Variants in RBM28 observed in about 807,000 individuals in gnomAD.
RBM28 encodes the protein RNA-binding protein 28.
Under a neutral mutation model 98.3 loss-of-function variants are expected in RBM28, and 78 were observed. The ratio of observed to expected loss-of-function variants is 0.79; its 90% CI spans 0.66 to 0.96. RBM28 has a LOEUF of 0.96. Among genes scored for constraint, RBM28 ranks in the 40% least tolerant of loss-of-function variants. The pLI, the probability that RBM28 is intolerant of heterozygous loss-of-function variation, is 0.00. For missense variants in RBM28, 838 were observed against 913.0 expected, an observed-to-expected ratio of 0.92 and a Z score of 1.06; for synonymous variants, 306 against 330.9, an observed-to-expected ratio of 0.92 and a Z score of 0.82.
chr7:128,324,553 A>C lies in RBM28; in HGVS notation c.1339+6T>G. ...TTAGAAGTGTGGGTTACATCTCCCT[A>C]CTCACAGCCTTCTCGGGCCAGATAG... On this transcript the variant is annotated splice_donor_region_variant and intron_variant, in intron 12 of 18. Coordinates refer to ENST00000223073, the MANE Select transcript of RBM28 (RefSeq NM_018077.3). 1 of 1,614,104 alleles carries C rather than the reference A, an allele frequency of 6.2e-7. No individual in the cohort carries two copies. The highest frequency in any genetic ancestry group is 1.1e-5 in the South Asian group (1 of 91,078).
In RBM28 at chr7:128,337,562, C is replaced by T. The variant is rs868263481; in HGVS notation, c.542-360G>A. 1.8e-4 allele frequency among the ~76,000 whole-genome samples: 25 copies of T among 139,822 alleles called. 1 individual carries two copies. The highest frequency in any genetic ancestry group is 2.4e-4 in the Non-Finnish European group (16 of 65,632). 91.7% of individuals were successfully genotyped at this position (139,822 alleles called of 152,430 possible). A position where few individuals can be genotyped will look rare whatever the true frequency, so the allele number is the denominator to read the frequency against. ...TAGGACATCTCTACGGCAATAACTT[C>T]TTTTTTTTTTTTTTGAGACACAGTC... On this transcript the variant is annotated intron_variant, in intron 5 of 18. Transcript: ENST00000223073.
Position 128,307,331 on chromosome 7 carries a change from T to C in RBM28, c.*3466A>G, listed in dbSNP as rs1301668674. 6.6e-6 allele frequency: 1 copy of C among 152,190 alleles called. No homozygotes were observed. Among genetic ancestry groups the C allele is most frequent in the Non-Finnish European group, 1.5e-5 (1 of 68,040 alleles). The allele number at this position is 152,190 out of a possible 1,614,324, so 9.4% of individuals were successfully genotyped here. On this transcript the variant is annotated 3_prime_UTR_variant, in exon 19 of 19. Transcript: ENST00000223073. ...CAGGGGAGCTTAAGACTGCAGATTC[T>C]GGGGAATCAGCACTCACTGTGACAC...
chr7:128,337,984 T>C (rs1201491321), intron 5 of RBM28, among the ~76,000 whole-genome samples: 3 of 152,152 alleles, frequency 2.0e-5, no homozygotes, highest in African/African-American at 4.8e-5. Flanking sequence ...CCAACCTGCA[T>C]CTATCAGCAA....
chr7:128,321,513 C>T (rs1011726502), intron 13 of RBM28, 89 bp from the exon 14 acceptor site: 1 of 1,495,732 alleles, frequency 6.7e-7, no homozygotes, highest in Non-Finnish European at 9.2e-7. Context: ...TTATGATCCT[C>T]ATCCCATAAC....
chr7:128,324,590 G>T lies in RBM28; in HGVS notation c.1308C>A (p.Gly436=), dbSNP rs1014799557. Residue 436 remains glycine, a synonymous_variant, in exon 12 of 19, where the codon GGC becomes GGA. Transcript: ENST00000223073. Reference sequence around the variant, plus strand: ...CTCGGGCCAGATAGAGATTCCGGGTGCCAGTCGGCTTCTTCACCTTCGTCG... The same window carrying T: ...CTCGGGCCAGATAGAGATTCCGGGTTCCAGTCGGCTTCTTCACCTTCGTCG... The part of the protein sequence containing the change: ...LQTTKVKKPT[G]TRNLYLAREG... 1 of 1,614,220 alleles carries T rather than the reference G, an allele frequency of 6.2e-7. No homozygotes were observed. Among genetic ancestry groups the T allele is most frequent in the Admixed American group, 1.7e-5 (1 of 60,020 alleles).
chr7:128,324,662 G>C lies in RBM28; in HGVS notation c.1236C>G (p.Leu412=), dbSNP rs751313433. The part of the protein sequence containing the change: ...AGGLKLDGRQ[L]KVDLAVTRDE... ...CACGGGTCACCGCCAAGTCAACCTT[G>C]AGCTGCCGGCCATCCAGTTTAAGCC... Residue 412 remains leucine (L), a synonymous_variant, in exon 12 of 19, where the codon CTC becomes CTG. Coordinates refer to ENST00000223073, the MANE Select transcript of RBM28 (RefSeq NM_018077.3). 8 of 1,614,158 alleles carry C rather than the reference G, an allele frequency of 5.0e-6. No individual in the cohort carries two copies. The highest frequency in any genetic ancestry group is 5.1e-6 in the Non-Finnish European group (6 of 1,180,046).
chr7:128,321,354 T>G lies in RBM28; in HGVS notation c.1475A>C (p.His492Pro), dbSNP rs886156448. 1 of 1,614,096 alleles carries G rather than the reference T, an allele frequency of 6.2e-7. No individual in the cohort carries two copies. Among genetic ancestry groups the G allele is most frequent in the Non-Finnish European group, 8.5e-7 (1 of 1,180,030 alleles). Residue 492 changes from histidine (H) to proline (P), a missense_variant, in exon 14 of 19, where the codon CAC becomes CCC. By Grantham distance (77) the His-to-Pro change is moderately conservative. Coordinates refer to ENST00000223073, the MANE Select transcript of RBM28 (RefSeq NM_018077.3). ...GTCATCTACAGCCTTTGGGAGATTG[T>G]GCAGGCAGAGCCTGGTTCGGGAGAC... ...IFVSRTRLCL[H>P]NLPKAVDDKQ...
At chr7:128,313,296 T>C (rs752939434) in intron 17 of RBM28, 22 bp from the exon 18 acceptor site, 1 of 1,599,536 alleles carries the variant, frequency 6.3e-7, no homozygotes, top group South Asian at 1.1e-5. Flanking sequence ...TGGCTGAGTG[T>C]CACCTTGAGT....
intron 16 of RBM28, among the ~76,000 whole-genome samples, chr7:128,316,226 A>C (rs1796105366): frequency 6.6e-6 from 1 of 152,218 alleles, no homozygotes; most frequent in Non-Finnish European, 1.5e-5. Context: ...CCAAAGTAAA[A>C]AAAACTACAC....
intron 11 of RBM28, among the ~76,000 whole-genome samples, chr7:128,325,614 T>C (rs1252059380): frequency 1.3e-5 from 2 of 152,200 alleles, no homozygotes; most frequent in Non-Finnish European, 2.9e-5. Context: ...GTAGAGATCA[T>C]AATTCTGCCT....
intron 10 of RBM28, among the ~76,000 whole-genome samples, chr7:128,327,645 C>T (rs1796383301): frequency 6.6e-6 from 1 of 152,036 alleles, no homozygotes; most frequent in Admixed American, 6.6e-5. Flanking sequence ...AGATTACAGG[C>T]AGGTGCCTCC....
intron 10 of RBM28, among the ~76,000 whole-genome samples, chr7:128,328,108 C>G (rs1796394226): frequency 6.6e-6 from 1 of 152,184 alleles, no homozygotes. Flanking sequence ...CAGGTGACAT[C>G]TTCCCAAACA....
intron 10 of RBM28, among the ~76,000 whole-genome samples, chr7:128,330,206 A>G (rs146939539): frequency 1.3e-5 from 2 of 152,258 alleles, no homozygotes; most frequent in East Asian, 3.9e-4. Flanking sequence ...TGGAATGATT[A>G]GTACCTATGA....
intron 6 of RBM28, 112 bp from the exon 7 acceptor site, chr7:128,336,154 C>T (rs554454955): frequency 4.9e-5 from 53 of 1,092,178 alleles, no homozygotes; most frequent in Non-Finnish European, 6.5e-5. Context: ...TACAGAATTT[C>T]GTATATTTTT....
Position 128,305,814 on chromosome 7 carries a change from G to C in RBM28, c.*4983C>G, listed in dbSNP as rs10243924. The stretch of plus-strand genomic sequence containing the variant: ...GCCCAGACCACAATGCAGGGGAGAG[G>C]GAGAAAAGGGGTGGAAGAGTGACAG... On this transcript the variant is annotated 3_prime_UTR_variant, in exon 19 of 19. Transcript: ENST00000223073. 6.6e-6 allele frequency: 1 copy of C among 152,314 alleles called. No homozygotes were observed. The highest frequency in any genetic ancestry group is 1.5e-5 in the Non-Finnish European group (1 of 68,112). The allele number at this position is 152,314 out of a possible 1,614,324, so 9.4% of individuals were successfully genotyped here. A position where few individuals can be genotyped will look rare whatever the true frequency, so the allele number is the denominator to read the frequency against.
intron 6 of RBM28, among the ~76,000 whole-genome samples, chr7:128,336,685 T>C (rs936433167): frequency 6.6e-6 from 1 of 152,194 alleles, no homozygotes; most frequent in Non-Finnish European, 1.5e-5. Context: ...AATTCAGAGT[T>C]TTCCCTGAAA....
chr7:128,300,086 C>T lies in RBM28; in HGVS notation c.*10711G>A, dbSNP rs36102951. The stretch of plus-strand genomic sequence containing the variant: ...CCTGTGGTACTCTCTTACAGTAGCC[C>T]TCCTGACTAATATAGGCCCTTTCTC... On this transcript the variant is annotated 3_prime_UTR_variant, in exon 19 of 19. Transcript: ENST00000223073. 0.38 allele frequency: 58,282 copies of T among 152,116 alleles called. 11,785 individuals are homozygous for T. Among genetic ancestry groups the T allele is most frequent in the East Asian group, 0.61 (3,179 of 5,172 alleles). 9.4% of individuals were successfully genotyped at this position (152,116 alleles called of 1,614,324 possible).
chr7:128,301,038 C>A lies in RBM28; in HGVS notation c.*9759G>T, dbSNP rs1211351925. 3 of 152,272 alleles carry A rather than the reference C, an allele frequency of 2.0e-5. No homozygotes were observed. Among genetic ancestry groups the A allele is most frequent in the African/African-American group, 7.2e-5 (3 of 41,436 alleles). 9.4% of individuals were successfully genotyped at this position (152,272 alleles called of 1,614,324 possible). On this transcript the variant is annotated 3_prime_UTR_variant, in exon 19 of 19. Transcript: ENST00000223073. Reference sequence around the variant, plus strand: ...ATCCCTGCAGAGGCTGGAGGTGGGGCCAGCACCACCTGAGGACATGTAGCC... The same window carrying A: ...ATCCCTGCAGAGGCTGGAGGTGGGGACAGCACCACCTGAGGACATGTAGCC...
Position 128,317,977 on chromosome 7 carries a change from C to T in RBM28, c.1693G>A (p.Glu565Lys). 2 of 1,614,204 alleles carry T rather than the reference C, an allele frequency of 1.2e-6. No homozygotes were observed. Among genetic ancestry groups the T allele is most frequent in the Non-Finnish European group, 8.5e-7 (1 of 1,180,050 alleles). ...CCTACCTTCAGAGGCCCAAAGATTT[C>T]TGGATTGTTGTTGATGAGGCGGAGG... ...KALRLINNNP[E>K]IFGPLKRPIV... is the part of the protein sequence containing the mutation. The change falls in exon 15 of 19, where the codon GAA becomes AAA. Residue 565 changes from glutamate (E) to lysine (K), a missense_variant. Glu to Lys is a moderately conservative substitution (Grantham distance 56). Coordinates refer to ENST00000223073, the MANE Select transcript of RBM28 (RefSeq NM_018077.3).
Sources: allele counts gnomAD v4.1 joint callset (sites outside exome capture counted in the v4.1 genomes callset), GRCh38; gene constraint gnomAD v4.1.1; transcripts MANE v1.5; gene names NCBI Gene and HGNC (gene_info 2026-07-23, HGNC 2026-07-21).